Variants in LRRC4C observed in about 807,000 individuals in gnomAD.
LRRC4C encodes the protein leucine-rich repeat-containing protein 4C.
Under a neutral mutation model 33.6 loss-of-function variants are expected in LRRC4C, and 5 were observed. The observed-to-expected ratio is 0.15, with a 90% CI of 0.08 to 0.31. The LOEUF (loss-of-function observed/expected upper bound fraction) is 0.31. Ranked by LOEUF, LRRC4C falls within the 10% of genes least tolerant of loss-of-function variation. LRRC4C has a pLI of 1.00. For missense variants in LRRC4C, 560 were observed against 796.7 expected, an observed-to-expected ratio of 0.70 and a Z score of 3.58; for synonymous variants, 329 against 302.0, an observed-to-expected ratio of 1.09 and a Z score of -0.93.
At chr11:41,172,592 T>C (rs1015170042) in intron 1 of LRRC4C, among the ~76,000 whole-genome samples, 2 of 152,190 alleles carry the variant, frequency 1.3e-5, no homozygotes, top group Non-Finnish European at 2.9e-5. Flanking sequence ...AATTTTATTA[T>C]TTCTCAGCTC....
At chr11:40,190,577 A>G (rs1343301789) in intron 5 of LRRC4C, among the ~76,000 whole-genome samples, 1 of 152,228 alleles carries the variant, frequency 6.6e-6, no homozygotes, top group Non-Finnish European at 1.5e-5. Flanking sequence ...GTCATCAATT[A>G]GAACATGAAC....
At chr11:41,119,913 T>C (rs967330522) in intron 1 of LRRC4C, among the ~76,000 whole-genome samples, 3 of 152,310 alleles carry the variant, frequency 2.0e-5, no homozygotes, top group Non-Finnish European at 2.9e-5. Context: ...AAATGACTAG[T>C]GTAGGATTAC....
chr11:41,356,441 C>T (rs1565608480), intron 1 of LRRC4C, among the ~76,000 whole-genome samples: 1 of 152,064 alleles, frequency 6.6e-6, no homozygotes. Context: ...GGTAAGGGGC[C>T]CTAATCACCA....
intron 1 of LRRC4C, among the ~76,000 whole-genome samples, chr11:41,402,393 A>T (rs2138118862): frequency 6.6e-6 from 1 of 152,174 alleles, no homozygotes. Context: ...GGTATGGTTA[A>T]TCAGAATCCA....
chr11:41,177,829 G>A (rs916631183), intron 1 of LRRC4C, among the ~76,000 whole-genome samples: 1 of 152,196 alleles, frequency 6.6e-6, no homozygotes, highest in Non-Finnish European at 1.5e-5. Flanking sequence ...ACACAGTCAT[G>A]TCTAGAGGGA....
At chr11:40,970,092 A>G (rs1484687659) in intron 1 of LRRC4C, among the ~76,000 whole-genome samples, 1 of 152,154 alleles carries the variant, frequency 6.6e-6, no homozygotes, top group Non-Finnish European at 1.5e-5. Flanking sequence ...TAATTTCCCC[A>G]GCTGACCCCT....
chr11:41,028,571 AC>A, intron 1 of LRRC4C, among the ~76,000 whole-genome samples: 1 of 2,546 alleles, frequency 3.9e-4, no homozygotes, highest in African/African-American at 4.9e-4. Flanking sequence ...AGTATTCACG[AC>A]ACACACACAC....
intron 1 of LRRC4C, among the ~76,000 whole-genome samples, chr11:41,429,023 T>C (rs749616892): frequency 2.0e-5 from 3 of 152,180 alleles, no homozygotes; most frequent in Non-Finnish European, 4.4e-5. Flanking sequence ...TCTTGAATTG[T>C]AGTTCCCGTA....
chr11:41,307,874 G>C (rs1218391850), intron 1 of LRRC4C, among the ~76,000 whole-genome samples: 1 of 152,186 alleles, frequency 6.6e-6, no homozygotes, highest in Non-Finnish European at 1.5e-5. Context: ...GTGAAACTAT[G>C]AAGATTTCCT....
chr11:40,429,128 A>G (rs1165192074), intron 3 of LRRC4C, among the ~76,000 whole-genome samples: 1 of 152,198 alleles, frequency 6.6e-6, no homozygotes, highest in Non-Finnish European at 1.5e-5. Context: ...CACTACTAAT[A>G]TTTATTAAGT....
At chr11:41,344,221 CCTTT>C in intron 1 of LRRC4C, among the ~76,000 whole-genome samples, 1 of 144,434 alleles carries the variant, frequency 6.9e-6, no homozygotes, top group South Asian at 2.2e-4. Flanking sequence ...CTCTGTGAAG[CCTTT>C]CTTTTTTTTT....
At chr11:40,305,065 C>T (rs960752699) in intron 4 of LRRC4C, among the ~76,000 whole-genome samples, 2 of 152,188 alleles carry the variant, frequency 1.3e-5, no homozygotes, top group Admixed American at 6.5e-5. Context: ...TCCCACATTT[C>T]CTGCCCTAGC....
At chr11:41,412,308 A>G (rs1482806555) in intron 1 of LRRC4C, among the ~76,000 whole-genome samples, 1 of 152,212 alleles carries the variant, frequency 6.6e-6, no homozygotes, top group East Asian at 1.9e-4. Context: ...CTTAATAAAA[A>G]TATGTTTGGG....
At chr11:40,817,013 C>T (rs1157003136) in intron 2 of LRRC4C, among the ~76,000 whole-genome samples, 1 of 152,044 alleles carries the variant, frequency 6.6e-6, no homozygotes, top group Non-Finnish European at 1.5e-5. Context: ...TCCATCGGAG[C>T]CTTGTCTACA....
chr11:40,115,972 C>A lies in LRRC4C; in HGVS notation c.321G>T (p.Leu107Phe). 1 of 1,614,068 alleles carries A rather than the reference C, an allele frequency of 6.2e-7. No individual in the cohort carries two copies. The highest frequency in any genetic ancestry group is 8.5e-7 in the Non-Finnish European group (1 of 1,180,004). ...KHLRHLEILQLSRNHIRTIEI... is the reference protein window; with the variant it reads ...KHLRHLEILQFSRNHIRTIEI... ...CAATGGTTCTGATATGGTTCCTACT[C>A]AACTGTAGGATTTCCAAGTGTCTCA... Residue 107 changes from leucine to phenylalanine, a missense_variant, in exon 7 of 7, where the codon TTG becomes TTT. Leu to Phe is a conservative substitution (Grantham distance 22). Coordinates refer to ENST00000528697, the MANE Select transcript of LRRC4C (RefSeq NM_001258419.2). The surrounding 1 kb of genome is among the most constrained non-coding windows in gnomAD (Gnocchi z 6.7).
At chr11:40,588,486 C>T (rs1174363022) in intron 3 of LRRC4C, among the ~76,000 whole-genome samples, 2 of 151,418 alleles carry the variant, frequency 1.3e-5, no homozygotes, top group East Asian at 1.9e-4. Flanking sequence ...TTCAGTTCTG[C>T]TCTGATTTTA....
chr11:41,104,681 T>G (rs1472214556), intron 1 of LRRC4C, among the ~76,000 whole-genome samples: 3 of 152,046 alleles, frequency 2.0e-5, no homozygotes, highest in South Asian at 4.1e-4. Context: ...GGCAACAGTA[T>G]TTATAATAGC....
At chr11:40,901,990 C>G (rs1956221492) in intron 2 of LRRC4C, among the ~76,000 whole-genome samples, 1 of 144,514 alleles carries the variant, frequency 6.9e-6, no homozygotes, top group Non-Finnish European at 1.5e-5. Context: ...ATCTCTCTCT[C>G]TCTCTCTCTA....
rs76560840 is a variant in LRRC4C at position 40,207,687 on chromosome 11, T to C, written c.-96+33832A>G. On this transcript the variant is annotated intron_variant, in intron 5 of 6. Transcript: ENST00000528697. ...CATCCTTGCTTTCCTGAAACAGAAC[T>C]TATTTTTAAGGAATTTTAAGAGTTC... Among the ~76,000 whole-genome samples, 37 of 152,304 alleles carry C rather than the reference T, an allele frequency of 2.4e-4. No homozygotes were observed. The East Asian group carries it at 6.4e-3, about 26-fold the overall frequency.
Sources: gnomAD v4.1 joint callset for allele counts (sites outside exome capture counted in the v4.1 genomes callset) on GRCh38, gnomAD v4.1.1 for gene constraint, Gnocchi (gnomAD v3.1) non-coding constraint, MANE v1.5 for transcripts, NCBI Gene and HGNC (gene_info 2026-07-23, HGNC 2026-07-21) for gene names.